Variants in PPAT observed in about 807,000 individuals in gnomAD.
PPAT encodes the protein amidophosphoribosyltransferase.
In PPAT, 20 loss-of-function variants were observed where a neutral mutation model predicts 60.2. The ratio of observed to expected loss-of-function variants is 0.33; its 90% CI spans 0.23 to 0.48. The LOEUF is 0.48. Among genes scored for constraint, PPAT ranks in the 20% least tolerant of loss-of-function variants. The pLI is 0.99. For missense variants in PPAT, 349 were observed against 629.6 expected, an observed-to-expected ratio of 0.55 and a Z score of 4.77; for synonymous variants, 194 against 215.1, an observed-to-expected ratio of 0.90 and a Z score of 0.86.
chr4:56,414,532 C>T (rs115435263), intron 1 of PPAT, among the ~76,000 whole-genome samples: 280 of 152,280 alleles, frequency 1.8e-3, no homozygotes, highest in African/African-American at 6.3e-3. Flanking sequence ...ACAAATGTAT[C>T]GCAAGTAATG....
chr4:56,395,869 G>A (rs1262622904), intron 10 of PPAT, among the ~76,000 whole-genome samples: 1 of 152,132 alleles, frequency 6.6e-6, no homozygotes, highest in Non-Finnish European at 1.5e-5. Context: ...TAGGCTCAAA[G>A]TTAAGCTCAA....
Position 56,402,172 on chromosome 4 carries a change from G to T in PPAT, c.671C>A (p.Thr224Lys). The change falls in exon 6 of 11, where the codon ACA becomes AAA. Residue 224 changes from threonine to lysine, a missense_variant. By Grantham distance (78) the Thr-to-Lys change is moderately conservative. Coordinates refer to ENST00000264220, the MANE Select transcript of PPAT (RefSeq NM_002703.5). ...CACCACCCATCCTTCTGTTTCTGAT[G>T]TTTTTTTCTCTGTAAATCACAAATC... is the stretch of plus-strand genomic sequence containing the variant. ...VSDINDKEKK[T>K]SETEGWVVSS... 1.2e-6 allele frequency: 2 copies of T among 1,604,218 alleles called. No individual in the cohort carries two copies. Among genetic ancestry groups the T allele is most frequent in the Non-Finnish European group, 8.5e-7 (1 of 1,172,656 alleles).
Position 56,406,488 on chromosome 4 carries a change from A to C in PPAT, c.402+7T>G, listed in dbSNP as rs1209125520. On this transcript the variant is annotated splice_region_variant and intron_variant, in intron 3 of 10. Transcript: ENST00000264220. Reference sequence around the variant, plus strand: ...AAGGCCTAGGGAAAACAAACAAACAAACGTACCTTTTTCCTTAATCGAGCA... The same window carrying C: ...AAGGCCTAGGGAAAACAAACAAACACACGTACCTTTTTCCTTAATCGAGCA... 1 of 1,607,958 alleles carries C rather than the reference A, an allele frequency of 6.2e-7. No individual in the cohort carries two copies. The highest frequency in any genetic ancestry group is 1.1e-5 in the South Asian group (1 of 90,908).
Position 56,396,911 on chromosome 4 carries a change from G to T in PPAT, c.1237-172C>A. On this transcript the variant is annotated intron_variant, in intron 9 of 10. Coordinates refer to ENST00000264220, the MANE Select transcript of PPAT (RefSeq NM_002703.5). This position sits in a 1 kb window ranked among gnomAD's most constrained non-coding sequence, Gnocchi z 4.6. The stretch of plus-strand genomic sequence containing the variant: ...TTTTTTTTCTTTCACCTAATCATGA[G>T]GAAGTTTCTTTGTCTAGATATCCTA... 1.9e-6 allele frequency: 1 copy of T among 532,122 alleles called. No individual in the cohort carries two copies. Among genetic ancestry groups the T allele is most frequent in the Non-Finnish European group, 3.0e-6 (1 of 333,874 alleles). The allele number at this position is 532,122 out of a possible 1,614,324, so 33.0% of individuals were successfully genotyped here. A position where few individuals can be genotyped will look rare whatever the true frequency, so the allele number is the denominator to read the frequency against.
chr4:56,395,546 C>A lies in PPAT; in HGVS notation c.1360G>T (p.Ala454Ser). 6.5e-7 allele frequency: 1 copy of A among 1,527,594 alleles called. No individual in the cohort carries two copies. Among genetic ancestry groups the A allele is most frequent in the Non-Finnish European group, 8.7e-7 (1 of 1,145,490 alleles). 94.6% of individuals were successfully genotyped at this position (1,527,594 alleles called of 1,614,324 possible). A position where few individuals can be genotyped will look rare whatever the true frequency, so the allele number is the denominator to read the frequency against. The change falls in exon 11 of 11, where the codon GCA (alanine) becomes TCA (serine). Residue 454 changes from alanine (A) to serine (S), a missense_variant and splice_region_variant. This residue lies in a region of PPAT where 167 missense variants were observed against 328.6 expected (regional missense o/e 0.51). Transcript: ENST00000264220. ...EFDHLAEYLGANSVVYLSVEG... is the reference protein window; with the variant it reads ...EFDHLAEYLGSNSVVYLSVEG... ...ACTGACAGATACACAACACTGTTTG[C>A]TCCTAAAGAAAGAGGGAAAAATAAA...
chr4:56,413,761 G>A (rs1424087838), intron 1 of PPAT, among the ~76,000 whole-genome samples: 1 of 152,036 alleles, frequency 6.6e-6, no homozygotes, highest in Non-Finnish European at 1.5e-5. Context: ...GCTGGGCTTG[G>A]TGGTGGGCAC....
intron 1 of PPAT, among the ~76,000 whole-genome samples, chr4:56,432,600 A>G (rs1428511157): frequency 1.3e-5 from 2 of 151,172 alleles, no homozygotes. Context: ...CCTGGCTAAC[A>G]CAGTGAAACC....
At chr4:56,405,829 T>G (rs1042142542) in intron 3 of PPAT, among the ~76,000 whole-genome samples, 1 of 152,254 alleles carries the variant, frequency 6.6e-6, no homozygotes, top group Admixed American at 6.5e-5. Flanking sequence ...AGTTTTGTGA[T>G]GTTTGAAACC....
intron 1 of PPAT, among the ~76,000 whole-genome samples, chr4:56,412,923 A>C (rs1716536134): frequency 6.6e-6 from 1 of 152,232 alleles, no homozygotes; most frequent in Admixed American, 6.5e-5. Context: ...TTGCATTAAA[A>C]ATAATCTTTA....
At chr4:56,425,086 C>T (rs1717221275) in intron 1 of PPAT, among the ~76,000 whole-genome samples, 1 of 152,052 alleles carries the variant, frequency 6.6e-6, no homozygotes, top group Non-Finnish European at 1.5e-5. Context: ...AACATATTTC[C>T]AAAATTCAAA....
chr4:56,406,404 A>C, intron 3 of PPAT, 91 bp downstream of exon 3: 2 of 1,356,260 alleles, frequency 1.5e-6, no homozygotes, highest in Admixed American at 1.8e-5. Flanking sequence ...CAACAATTAG[A>C]AAATGCCCTT....
chr4:56,420,365 G>A (rs556829992), intron 1 of PPAT: 1 of 152,230 alleles, frequency 6.6e-6, no homozygotes, highest in South Asian at 2.1e-4. Flanking sequence ...CATCATGTTG[G>A]TGCTCAAAAA....
intron 1 of PPAT, chr4:56,419,821 TAGAC>T: frequency 1.0e-6 from 1 of 984,210 alleles, no homozygotes; most frequent in South Asian, 4.7e-5. Context: ...AAATTTGGAA[TAGAC>T]AGAGACTGGA....
At chr4:56,419,660 C>T in intron 1 of PPAT, 1 of 983,794 alleles carries the variant, frequency 1.0e-6, no homozygotes, top group South Asian at 4.7e-5. Context: ...CAACTTTTAT[C>T]CCAACTGTAG....
Position 56,416,756 on chromosome 4 carries a change from A to G in PPAT, c.129-9040T>C, listed in dbSNP as rs935250878. Among the ~76,000 whole-genome samples, 28 of 152,244 alleles carry G rather than the reference A, an allele frequency of 1.8e-4. 2 individuals carry two copies. The highest frequency in any genetic ancestry group is 1.2e-3 in the Admixed American group (18 of 15,274). On this transcript the variant is annotated intron_variant, in intron 1 of 10. Transcript: ENST00000264220. ...GTTGAGGCAAGGAATTAAGACAAAC[A>G]GAATTTTACATCTGAAAGTAAACAT...
chr4:56,396,742 T>TA lies in PPAT; in HGVS notation c.1237-4_1237-3insT, dbSNP rs766722911. 11 of 1,606,570 alleles carry TA rather than the reference T, an allele frequency of 6.8e-6. No homozygotes were observed. The highest frequency in any genetic ancestry group is 9.3e-6 in the Non-Finnish European group (11 of 1,177,500). On this transcript the variant is annotated splice_polypyrimidine_tract_variant and splice_region_variant and intron_variant, in intron 9 of 10. Transcript: ENST00000264220. This position sits in a 1 kb window ranked among gnomAD's most constrained non-coding sequence, Gnocchi z 4.6. ...GGTGAAGCTACTCGAATGTGTACCTTGGAAAGAAATCATTGCACACAAGGT... is the reference window on the plus strand; with the variant it reads ...GGTGAAGCTACTCGAATGTGTACCTTAGGAAAGAAATCATTGCACACAAGGT...
In PPAT at chr4:56,401,329, C is replaced by T; in HGVS notation, c.886+1G>A. ...TGTTCAAAGAAAAGAAATCTACTTA[C>T]CTTCGAACATACTGTCTGGTCTTGC... On this transcript the variant is annotated splice_donor_variant, in intron 7 of 10. Coordinates refer to ENST00000264220, the MANE Select transcript of PPAT (RefSeq NM_002703.5). LOFTEE classifies it high-confidence loss of function. The T allele has an allele frequency of 6.3e-7, 1 of 1,576,612 alleles. No individual in the cohort carries two copies. The highest frequency in any genetic ancestry group is 8.6e-7 in the Non-Finnish European group (1 of 1,164,038).
intron 1 of PPAT, among the ~76,000 whole-genome samples, chr4:56,428,661 A>G (rs184025790): frequency 6.6e-6 from 1 of 152,284 alleles, no homozygotes; most frequent in African/African-American, 2.4e-5. Context: ...TCCTCTTTGC[A>G]TTTTCATTTA....
chr4:56,402,500 G>T (rs1341691928), intron 5 of PPAT, among the ~76,000 whole-genome samples: 1 of 152,078 alleles, frequency 6.6e-6, no homozygotes, highest in Non-Finnish European at 1.5e-5. Flanking sequence ...GAAAAAATAG[G>T]AATCTCTATT....
Sources: gnomAD v4.1 joint callset for allele counts (sites outside exome capture counted in the v4.1 genomes callset) on GRCh38, gnomAD v4.1.1 for gene constraint, gnomAD v4.1.1 regional missense constraint, Gnocchi (gnomAD v3.1) non-coding constraint, MANE v1.5 for transcripts, NCBI Gene and HGNC (gene_info 2026-07-23, HGNC 2026-07-21) for gene names.